The following KRT8 variants were observed in gnomAD, a reference collection of about 807,000 sequenced individuals.
KRT8 encodes the protein keratin, type II cytoskeletal 8.
A neutral mutation model predicts 43.0 loss-of-function variants in KRT8; 24 were observed. The observed-to-expected ratio is 0.56, with a 90% CI of 0.40 to 0.78. The LOEUF (loss-of-function observed/expected upper bound fraction) is 0.78, where lower values mean the gene tolerates loss of function less well. Ranked by LOEUF, KRT8 falls within the 30% of genes least tolerant of loss-of-function variation. The pLI is 0.00. For synonymous variants in KRT8, 214 were observed against 261.2 expected (o/e 0.82, Z 1.74); for missense variants, 492 against 638.4 (o/e 0.77, Z 2.47).
In KRT8 at chr12:52,897,273, G is replaced by T. The variant is rs555540459; in HGVS notation, c.*155C>A. 3.9e-4 allele frequency: 293 copies of T among 753,476 alleles called. 1 individual carries two copies. The highest frequency in any genetic ancestry group is 7.1e-4 in the Middle Eastern group (2 of 2,808). 46.7% of individuals were successfully genotyped at this position (753,476 alleles called of 1,614,324 possible). Reference sequence around the variant, plus strand: ...TTTGTAGCTGGAGGCATGGGCAAGGGGGGTCCCCAGGTAGTAAACTCCCCA... The same window carrying T: ...TTTGTAGCTGGAGGCATGGGCAAGGTGGGTCCCCAGGTAGTAAACTCCCCA... On this transcript the variant is annotated 3_prime_UTR_variant, in exon 8 of 8. Coordinates refer to ENST00000692008, the Ensembl canonical transcript of KRT8.
chr12:52,949,516 C>T (rs544079943), exon 2 of KRT8: 1 of 1,613,600 alleles, frequency 6.2e-7, no homozygotes, highest in East Asian at 2.2e-5. Context: ...AATCCGGGAG[C>T]ACTTGGAGAA....
intron 2 of KRT8, among the ~76,000 whole-genome samples, chr12:52,918,073 A>AGAT: frequency 2.4e-5 from 1 of 41,920 alleles, no homozygotes; most frequent in African/African-American, 1.4e-4. Flanking sequence ...GAGAAGAAGA[A>AGAT]GAGGAGGAGG....
At chr12:52,913,243 G>A (rs891975858) in intron 2 of KRT8, among the ~76,000 whole-genome samples, 10 of 152,254 alleles carry the variant, frequency 6.6e-5, no homozygotes, top group East Asian at 5.8e-4. Flanking sequence ...CTGCTGGAGT[G>A]GAAGGAAGCA....
At chr12:52,936,259 CA>C (rs201578259) in intron 2 of KRT8, among the ~76,000 whole-genome samples, 22 of 148,496 alleles carry the variant, frequency 1.5e-4, no homozygotes, top group Admixed American at 2.7e-4. Flanking sequence ...CTAAAAAAAA[CA>C]AAAAAAAAAT....
chr12:52,911,775 G>T (rs1433217960), upstream of KRT8, among the ~76,000 whole-genome samples: 1 of 152,168 alleles, frequency 6.6e-6, no homozygotes, highest in African/African-American at 2.4e-5. Flanking sequence ...GCTCATGCCT[G>T]TAATCCCAGC....
At chr12:52,899,350 C>T (rs552672612) in intron 5 of KRT8, among the ~76,000 whole-genome samples, 2 of 152,126 alleles carry the variant, frequency 1.3e-5, no homozygotes, top group South Asian at 4.2e-4. Context: ...ACTAAGGAAG[C>T]AGATCAGGGA....
In KRT8 at chr12:52,904,645, G is replaced by C; in HGVS notation, c.324+13C>G. 6.2e-7 allele frequency: 1 copy of C among 1,611,440 alleles called. No individual in the cohort carries two copies. Among genetic ancestry groups the C allele is most frequent in the African/African-American group, 1.3e-5 (1 of 74,960 alleles). Reference sequence around the variant, plus strand: ...GCTGCGGGCACAGTCAGCCACGCAGGGGGGACCCTCACCTTGTCTATGAAG... The same window carrying C: ...GCTGCGGGCACAGTCAGCCACGCAGCGGGGACCCTCACCTTGTCTATGAAG... On this transcript the variant is annotated intron_variant, in intron 1 of 7. Transcript: ENST00000692008.
In KRT8 at chr12:52,942,048, A is replaced by G. The variant is rs150991247; in HGVS notation, c.-47+7408T>C. ...AATCACACTGTATTTTGTTTGTCCAATGATCTGTTCCCTCTAATAATAATC... is the reference window on the plus strand; with the variant it reads ...AATCACACTGTATTTTGTTTGTCCAGTGATCTGTTCCCTCTAATAATAATC... On this transcript the variant is annotated intron_variant, in intron 2 of 6. Coordinates refer to the KRT8 transcript ENST00000546826. Among the ~76,000 whole-genome samples the G allele has an allele frequency of 2.2e-3, 339 of 152,214 alleles. 2 individuals are homozygous for G. The highest frequency in any genetic ancestry group is 2.9e-3 in the Non-Finnish European group (197 of 68,008).
chr12:52,904,393 GTC>G (rs1941459227), intron 1 of KRT8, among the ~76,000 whole-genome samples: 1 of 152,160 alleles, frequency 6.6e-6, no homozygotes, highest in Admixed American at 6.5e-5. Flanking sequence ...CCCTTAAGTT[GTC>G]TCTCTCTTCC....
exon 2 of KRT8, chr12:52,949,503 C>T (rs11551621): frequency 6.2e-7 from 1 of 1,613,450 alleles, no homozygotes; most frequent in African/African-American, 1.3e-5. Context: ...GGCTGGAGAG[C>T]AAAATCCGGG....
intron 2 of KRT8, among the ~76,000 whole-genome samples, chr12:52,912,611 C>G (rs2638504): frequency 0.76 from 115,977 of 152,182 alleles, 45,192 homozygotes; most frequent in African/African-American, 0.93. Context: ...ATACAGAAGA[C>G]AAAGTTGCAT....
At chr12:52,902,509 G>A (rs972445746) in intron 1 of KRT8, among the ~76,000 whole-genome samples, 2 of 151,932 alleles carry the variant, frequency 1.3e-5, no homozygotes, top group African/African-American at 2.4e-5. Context: ...TCAGCCTCCC[G>A]AGTAGCTGGG....
At chr12:52,920,998 C>T (rs945121842) in intron 2 of KRT8, among the ~76,000 whole-genome samples, 1 of 152,240 alleles carries the variant, frequency 6.6e-6, no homozygotes, top group Non-Finnish European at 1.5e-5. Context: ...CCACCCCATT[C>T]CCTGGTCTCT....
intron 2 of KRT8, among the ~76,000 whole-genome samples, chr12:52,916,383 G>C (rs1041726536): frequency 1.3e-5 from 2 of 152,196 alleles, no homozygotes; most frequent in African/African-American, 4.8e-5. Context: ...GCATGGGCGT[G>C]AGTCCAAGGT....
At chr12:52,923,564 C>T (rs529202783) in intron 2 of KRT8, among the ~76,000 whole-genome samples, 13 of 152,066 alleles carry the variant, frequency 8.5e-5, no homozygotes, top group Non-Finnish European at 2.9e-5. Flanking sequence ...GGACTACAGG[C>T]GCCAGCCACC....
intron 2 of KRT8, 101 bp from the exon 3 acceptor site, chr12:52,901,320 T>C: frequency 1.2e-6 from 1 of 861,588 alleles, no homozygotes; most frequent in Non-Finnish European, 2.0e-6. Context: ...AAAATTCAGT[T>C]CACAGAGATG....
At chr12:52,906,435 G>A (rs1033267485), upstream of KRT8, 9 of 313,152 alleles carry the variant, frequency 2.9e-5, no homozygotes, top group African/African-American at 1.7e-4. Context: ...GCTCCCAACG[G>A]GCCAGAGGAA....
At chr12:52,944,900 T>G (rs889634253) in intron 2 of KRT8, among the ~76,000 whole-genome samples, 1 of 152,052 alleles carries the variant, frequency 6.6e-6, no homozygotes, top group Non-Finnish European at 1.5e-5. Flanking sequence ...TCAGACTGGG[T>G]CCTGCACCCA....
chr12:52,915,102 G>A (rs774041388), intron 2 of KRT8, among the ~76,000 whole-genome samples: 1 of 152,106 alleles, frequency 6.6e-6, no homozygotes. Flanking sequence ...GGCCAGGCGC[G>A]GTGGCTCACG....
Sources: gnomAD v4.1 joint callset for allele counts (sites outside exome capture counted in the v4.1 genomes callset) on GRCh38, gnomAD v4.1.1 for gene constraint, MANE v1.5 for transcripts, NCBI Gene and HGNC (gene_info 2026-07-23, HGNC 2026-07-21) for gene names.